DCC: variants seen among roughly 807,000 people sequenced by gnomAD.
DCC encodes the protein DCC netrin 1 receptor, also known as netrin receptor DCC.
DCC carries 58 observed loss-of-function variants against 172.5 expected under a neutral mutation model. The ratio of observed to expected loss-of-function variants is 0.34; its 90% CI spans 0.27 to 0.42. The LOEUF (loss-of-function observed/expected upper bound fraction) is 0.42, where lower values mean the gene tolerates loss of function less well. DCC is among the 10% of genes least tolerant of loss of function. The pLI is 1.00. For synonymous variants in DCC, 709 were observed against 644.5 expected, an observed-to-expected ratio of 1.10 and a Z score of -1.52; for missense variants, 1,740 against 1,791.0, an observed-to-expected ratio of 0.97 and a Z score of 0.51.
intron 8 of DCC, among the ~76,000 whole-genome samples, chr18:53,160,848 T>TC (rs2054827679): frequency 6.6e-6 from 1 of 152,190 alleles, no homozygotes; most frequent in Admixed American, 6.5e-5. Context: ...GACTTTTTTT[T>TC]CACCCAAGTT....
chr18:52,977,712 C>T (rs982104321), intron 5 of DCC, among the ~76,000 whole-genome samples: 2 of 151,418 alleles, frequency 1.3e-5, no homozygotes, highest in Non-Finnish European at 2.9e-5. Context: ...GGTGAAACCC[C>T]GTCACTACTA....
chr18:52,480,848 A>G (rs1555687498), intron 1 of DCC, among the ~76,000 whole-genome samples: 1 of 151,610 alleles, frequency 6.6e-6, no homozygotes, highest in Non-Finnish European at 1.5e-5. Flanking sequence ...ATACCCCCCA[A>G]TTTTTTTTCA....
intron 15 of DCC, among the ~76,000 whole-genome samples, chr18:53,366,885 G>A (rs899406985): frequency 3.9e-5 from 6 of 152,164 alleles, no homozygotes; most frequent in African/African-American, 7.2e-5. Context: ...GTTATTGCAA[G>A]CTGGGAGATG....
intron 2 of DCC, among the ~76,000 whole-genome samples, chr18:52,897,159 A>G (rs1813806274): frequency 6.6e-6 from 1 of 152,184 alleles, no homozygotes; most frequent in South Asian, 2.1e-4. Flanking sequence ...TCTGGGTCTC[A>G]TGTATAGTCA....
chr18:52,816,472 A>G (rs1835713), intron 2 of DCC, among the ~76,000 whole-genome samples: 49,125 of 152,060 alleles, frequency 0.32, 8,307 homozygotes, highest in African/African-American at 0.42. Context: ...TACAGAATTC[A>G]TCAGTATATT....
chr18:52,529,915 G>GA (rs1026463471), intron 1 of DCC, among the ~76,000 whole-genome samples: 1 of 151,868 alleles, frequency 6.6e-6, no homozygotes, highest in Admixed American at 6.6e-5. Context: ...TACATTTCTG[G>GA]AAAAAAGTAC....
intron 1 of DCC, among the ~76,000 whole-genome samples, chr18:52,563,965 A>G (rs2033098540): frequency 6.6e-6 from 1 of 152,170 alleles, no homozygotes; most frequent in Non-Finnish European, 1.5e-5. Context: ...ACTTATGTAG[A>G]AAAGTAGGTC....
intron 1 of DCC, among the ~76,000 whole-genome samples, chr18:52,361,903 T>A (rs1280882520): frequency 6.6e-6 from 1 of 152,206 alleles, no homozygotes; most frequent in East Asian, 1.9e-4. Flanking sequence ...TCCAAAGGGT[T>A]GAGTGTTGTG....
intron 8 of DCC, among the ~76,000 whole-genome samples, chr18:53,174,917 A>G (rs1217417314): frequency 6.6e-6 from 1 of 152,244 alleles, no homozygotes; most frequent in East Asian, 1.9e-4. Context: ...CATTGATGCA[A>G]AAATCCTCAG....
chr18:52,837,202 G>A (rs567579093), intron 2 of DCC, among the ~76,000 whole-genome samples: 3 of 152,288 alleles, frequency 2.0e-5, no homozygotes, highest in South Asian at 4.1e-4. Flanking sequence ...GCCTGTGATG[G>A]TAGGATCTGC....
At chr18:53,222,288 C>G (rs922032436) in intron 12 of DCC, among the ~76,000 whole-genome samples, 14 of 151,870 alleles carry the variant, frequency 9.2e-5, no homozygotes, top group African/African-American at 3.4e-4. Context: ...CAAAGCATAT[C>G]TTTGTATTAC....
chr18:52,897,130 C>A (rs976002383), intron 2 of DCC, among the ~76,000 whole-genome samples: 1 of 152,154 alleles, frequency 6.6e-6, no homozygotes. Flanking sequence ...TTATAGGAGT[C>A]CCCAAATGGC....
intron 8 of DCC, among the ~76,000 whole-genome samples, chr18:53,158,120 A>G (rs2054774765): frequency 6.9e-6 from 1 of 143,952 alleles, no homozygotes; most frequent in Non-Finnish European, 1.5e-5. Flanking sequence ...CCCCACGAAA[A>G]TTAAAAGTTT....
intron 2 of DCC, chr18:52,759,004 G>A (rs891255154): frequency 8.5e-5 from 13 of 152,124 alleles, no homozygotes; most frequent in African/African-American, 3.1e-4. Context: ...ATGACTTAAT[G>A]ATCTTCATTT....
intron 2 of DCC, among the ~76,000 whole-genome samples, chr18:52,893,757 A>C (rs1156887709): frequency 6.6e-6 from 1 of 152,156 alleles, no homozygotes; most frequent in Admixed American, 6.6e-5. Context: ...ATATGTTACT[A>C]TCTGTTAATT....
chr18:52,764,483 A>G (rs1360567165), intron 2 of DCC, among the ~76,000 whole-genome samples: 1 of 152,200 alleles, frequency 6.6e-6, no homozygotes, highest in Admixed American at 6.5e-5. Flanking sequence ...TGCCATCCTC[A>G]CAGTGATAAA....
At chr18:53,391,959 C>G in intron 17 of DCC, 72 bp downstream of exon 17, 1 of 886,078 alleles carries the variant, frequency 1.1e-6, no homozygotes, top group Non-Finnish European at 1.9e-6. Flanking sequence ...TTAAACCTCT[C>G]CTGGACTGTC....
chr18:53,027,142 G>T (rs2143943499), intron 5 of DCC, among the ~76,000 whole-genome samples: 2 of 152,210 alleles, frequency 1.3e-5, no homozygotes, highest in East Asian at 1.9e-4. Flanking sequence ...GCCTGGAAAA[G>T]CATACCCTCC....
At chr18:53,256,112 A>G (rs916353851) in intron 12 of DCC, among the ~76,000 whole-genome samples, 1 of 152,144 alleles carries the variant, frequency 6.6e-6, no homozygotes, top group East Asian at 1.9e-4. Context: ...TCTGGATATT[A>G]GCCCTTTGTC....
Sources: allele counts gnomAD v4.1 joint callset (sites outside exome capture counted in the v4.1 genomes callset), GRCh38; gene constraint gnomAD v4.1.1; transcripts MANE v1.5; gene names NCBI Gene and HGNC (gene_info 2026-07-23, HGNC 2026-07-21).